Variants in ANAPC5 observed in about 807,000 individuals in gnomAD.
ANAPC5 encodes the protein anaphase promoting complex subunit 5, also known as anaphase-promoting complex subunit 5.
A neutral mutation model predicts 91.3 loss-of-function variants in ANAPC5; 60 were observed. The ratio of observed to expected loss-of-function variants is 0.66; its 90% CI spans 0.53 to 0.81. The LOEUF (loss-of-function observed/expected upper bound fraction) is 0.81, where lower values mean the gene tolerates loss of function less well. ANAPC5 is among the 40% of genes least tolerant of loss of function. ANAPC5 has a pLI of 0.00. For synonymous variants in ANAPC5, 340 were observed against 364.1 expected, an observed-to-expected ratio of 0.93 and a Z score of 0.75; for missense variants, 690 against 931.5, an observed-to-expected ratio of 0.74 and a Z score of 3.37.
intron 6 of ANAPC5, among the ~76,000 whole-genome samples, chr12:121,336,702 G>GT (rs1566191861): frequency 6.6e-6 from 1 of 151,986 alleles, no homozygotes; most frequent in African/African-American, 2.4e-5. Context: ...AACAAACACT[G>GT]TTTTTTGCAT....
chr12:121,351,384 A>G (rs1903886812), intron 1 of ANAPC5, among the ~76,000 whole-genome samples: 1 of 152,086 alleles, frequency 6.6e-6, no homozygotes, highest in South Asian at 2.1e-4. Flanking sequence ...AAAAAATAAT[A>G]ATAATTTAAA....
chr12:121,348,828 C>T (rs1210705322), intron 1 of ANAPC5, among the ~76,000 whole-genome samples: 2 of 152,154 alleles, frequency 1.3e-5, no homozygotes, highest in Non-Finnish European at 2.9e-5. Flanking sequence ...AGCAATTGCA[C>T]TTCTAGGGAA....
chr12:121,342,586 C>T lies in ANAPC5; in HGVS notation c.591-517G>A, dbSNP rs782622147. Among the ~76,000 whole-genome samples the T allele has an allele frequency of 5.9e-5, 9 of 152,202 alleles. No homozygotes were observed. Among genetic ancestry groups the T allele is most frequent in the East Asian group, 1.9e-4 (1 of 5,180 alleles). On this transcript the variant is annotated intron_variant, in intron 4 of 16. Transcript: ENST00000261819. This position sits in a 1 kb window ranked among gnomAD's most constrained non-coding sequence, Gnocchi z 4.1. ...AGAAGAAAACATCGAGGAGGCCAAG[C>T]GCGGTGGCTCACACCTGTAATCCCA...
chr12:121,308,889 C>T (rs1214648138), intron 16 of ANAPC5, among the ~76,000 whole-genome samples, 198 bp from the exon 17 acceptor site: 1 of 152,162 alleles, frequency 6.6e-6, no homozygotes, highest in Non-Finnish European at 1.5e-5. Context: ...TGGCTCATGC[C>T]TGTAATCCTA....
rs575883712 is a variant in ANAPC5, at chr12:121,336,635, G to A, written c.759+656C>T. ...GCAGAGGTTGCAGTGAGCCAAGATC[G>A]CACCACTGCACGCCAGCCTGGGCAA... On this transcript the variant is annotated intron_variant, in intron 6 of 16. Transcript: ENST00000261819. Among the ~76,000 whole-genome samples, 42 of 152,172 alleles carry A rather than the reference G, an allele frequency of 2.8e-4. No individual in the cohort carries two copies. In the South Asian group the frequency reaches 8.1e-3, roughly 29 times the overall value.
chr12:121,336,743 T>A (rs1903252070), intron 6 of ANAPC5, among the ~76,000 whole-genome samples: 1 of 152,102 alleles, frequency 6.6e-6, no homozygotes, highest in Non-Finnish European at 1.5e-5. Flanking sequence ...AGTCCAAACT[T>A]TACAACATCA....
At chr12:121,347,121 T>C in intron 2 of ANAPC5, 116 bp from the exon 3 acceptor site, 1 of 576,288 alleles carries the variant, frequency 1.7e-6, no homozygotes, top group Middle Eastern at 3.0e-4. Context: ...GAGATTTGTA[T>C]AAAATGGTGG....
chr12:121,328,491 C>A lies in ANAPC5; in HGVS notation c.1129G>T (p.Ala377Ser), dbSNP rs782244195. The change falls in exon 10 of 17, where the codon GCC (alanine) becomes TCC (serine). Residue 377 changes from alanine (A) to serine (S), a missense_variant. By Grantham distance (99) the Ala-to-Ser change is moderately conservative. This residue lies in a region of ANAPC5 where 16 missense variants were observed against 49.5 expected (regional missense o/e 0.32). Coordinates refer to ENST00000261819, the MANE Select transcript of ANAPC5 (RefSeq NM_016237.5). Reference protein sequence around the residue: ...KAVHFGLPYLASLGIQSLVQQ... With the variant: ...KAVHFGLPYLSSLGIQSLVQQ... ...ACAAGGGACTGTATTCCCAGGGAGG[C>A]GAGGTACTAAGGGGACAGATATACC... 2 of 1,613,280 alleles carry A rather than the reference C, an allele frequency of 1.2e-6. No individual in the cohort carries two copies. The highest frequency in any genetic ancestry group is 2.7e-5 in the African/African-American group (2 of 74,712).
At chr12:121,319,108 TACACAAACACACACAC>T (rs1410329017) in intron 13 of ANAPC5, among the ~76,000 whole-genome samples, 47 of 115,970 alleles carry the variant, frequency 4.1e-4, no homozygotes, top group African/African-American at 2.0e-3. Context: ...ATGCTGTGTA[TACACAAACACACACAC>T]ACACACACAC....
Position 121,309,819 on chromosome 12 carries a change from C to T in ANAPC5, c.1938G>A (p.Met646Ile), listed in dbSNP as rs1902085630. Residue 646 changes from methionine to isoleucine, a missense_variant, in exon 16 of 17, where the codon ATG becomes ATA. Around this residue, in one of 5 missense-constraint regions of ANAPC5, gnomAD observed 317 missense variants for 438.7 expected, o/e 0.72. Transcript: ENST00000261819. ...IPEQALSLLH[M>I]AIEPILADGA... is the part of the protein sequence containing the mutation. ...CGTCAGCCAAGATGGGCTCGATGGC[C>T]ATGTGGAGAAGACTTAAGGCCTGTT... 6.2e-7 allele frequency: 1 copy of T among 1,614,132 alleles called. No individual in the cohort carries two copies. The highest frequency in any genetic ancestry group is 8.5e-7 in the Non-Finnish European group (1 of 1,180,030).
intron 2 of ANAPC5, 161 bp from the exon 3 acceptor site, chr12:121,347,166 T>C (rs1903699730): frequency 1.9e-6 from 1 of 513,652 alleles, no homozygotes; most frequent in African/African-American, 2.0e-5. Context: ...AAAATGTTAC[T>C]CCCGTATTTC....
intron 5 of ANAPC5, 44 bp from the exon 6 acceptor site, chr12:121,337,436 A>G: frequency 2.2e-6 from 3 of 1,390,870 alleles, no homozygotes; most frequent in Non-Finnish European, 3.1e-6. Context: ...AAGGGTCAAT[A>G]AACATATGAA....
chr12:121,339,786 T>C (rs145755944), intron 5 of ANAPC5, among the ~76,000 whole-genome samples: 49 of 152,230 alleles, frequency 3.2e-4, no homozygotes, highest in African/African-American at 1.1e-3. Flanking sequence ...CTGTTAATTA[T>C]GTTAAAACAA....
chr12:121,347,962 C>T (rs374764595), intron 1 of ANAPC5, 81 bp from the exon 2 acceptor site: 6 of 971,186 alleles, frequency 6.2e-6, no homozygotes, highest in Middle Eastern at 2.1e-4. Flanking sequence ...ATTCATTTAT[C>T]AACCCCTCTG....
chr12:121,310,192 C>T (rs1902103546), intron 15 of ANAPC5: 5 of 171,124 alleles, frequency 2.9e-5, no homozygotes. Flanking sequence ...GAAAATAACT[C>T]AAAAGAATAA....
Position 121,309,726 on chromosome 12 carries a change from G to T in ANAPC5, c.2031C>A (p.Ser677=). Residue 677 remains serine, a synonymous_variant, in exon 16 of 17, where the codon TCC becomes TCA. Coordinates refer to ENST00000261819, the MANE Select transcript of ANAPC5 (RefSeq NM_016237.5). ...VAKCQVASAA[S]YDQPKKAEAL... ...CTTCTGCTTTCTTCGGCTGATCGTA[G>T]GAAGCTGCTGAAGCCACCTGGCACT... The T allele has an allele frequency of 6.2e-7, 1 of 1,614,004 alleles. No homozygotes were observed. Among genetic ancestry groups the T allele is most frequent in the African/African-American group, 1.3e-5 (1 of 75,012 alleles).
chr12:121,346,572 T>C (rs1394879950), intron 3 of ANAPC5: 1 of 234,802 alleles, frequency 4.3e-6, no homozygotes. Context: ...TTACCTCTCT[T>C]CATAAGTCTG....
In ANAPC5 at chr12:121,345,899, A is replaced by C. The variant is rs761710625; in HGVS notation, c.530T>G (p.Leu177Arg). Residue 177 changes from leucine (L) to arginine (R), a missense_variant, in exon 4 of 17, where the codon CTG (leucine) becomes CGG (arginine). Leu to Arg is a moderately radical substitution (Grantham distance 102, BLOSUM62 -2). Coordinates refer to ENST00000261819, the MANE Select transcript of ANAPC5 (RefSeq NM_016237.5). Reference sequence around the variant, plus strand: ...TCTTTCACCCTCATCTCTACTGGTCAGTTCCATATCAGCATCCTCCACTGT... The same window carrying C: ...TCTTTCACCCTCATCTCTACTGGTCCGTTCCATATCAGCATCCTCCACTGT... The part of the protein sequence containing the change: ...KKTVEDADME[L>R]TSRDEGERKM... The C allele has an allele frequency of 3.1e-6, 5 of 1,614,190 alleles. No homozygotes were observed. In the South Asian group the frequency reaches 4.4e-5, roughly 14 times the overall value.
In ANAPC5 at chr12:121,327,262, TCAG is replaced by T. The variant is rs782496015; in HGVS notation, c.1305-34_1305-32del. Reference sequence around the variant, plus strand: ...TGGGGAGAGGGAACAGGATTTCCTTTCAGCAGCAGACCTGGCTGCGCTTTGGCC... The same window carrying T: ...TGGGGAGAGGGAACAGGATTTCCTTTCAGCAGACCTGGCTGCGCTTTGGCC... On this transcript the variant is annotated intron_variant, in intron 10 of 16. Coordinates refer to ENST00000261819, the MANE Select transcript of ANAPC5 (RefSeq NM_016237.5). 7 of 1,608,050 alleles carry T rather than the reference TCAG, an allele frequency of 4.4e-6. No individual in the cohort carries two copies. The Admixed American group carries it at 6.8e-5, about 16-fold the overall frequency.
Sources: allele counts gnomAD v4.1 joint callset (sites outside exome capture counted in the v4.1 genomes callset), GRCh38; gene constraint gnomAD v4.1.1; regional missense constraint gnomAD v4.1.1; non-coding constraint Gnocchi (gnomAD v3.1); transcripts MANE v1.5; gene names NCBI Gene and HGNC (gene_info 2026-07-23, HGNC 2026-07-21).